The following DCDC1 variants were observed in gnomAD, a reference collection of about 807,000 sequenced individuals.
The protein encoded by DCDC1 is doublecortin domain-containing protein 1.
Under a neutral mutation model 178.3 loss-of-function variants are expected in DCDC1, and 200 were observed. The observed-to-expected ratio is 1.12, with a 90% CI of 1.00 to 1.26. DCDC1 has a LOEUF of 1.26. Ranked by LOEUF, DCDC1 falls within the 50% of genes most tolerant of loss-of-function variation. DCDC1 has a pLI of 0.00. For synonymous variants in DCDC1, 690 were observed against 604.8 expected (o/e 1.14, Z -2.07); for missense variants, 1,983 against 1,749.2 (o/e 1.13, Z -2.38).
intron 6 of DCDC1, among the ~76,000 whole-genome samples, chr11:31,297,668 A>C (rs1947796599): frequency 6.6e-6 from 1 of 152,166 alleles, no homozygotes; most frequent in Non-Finnish European, 1.5e-5. Context: ...TTATTAACAA[A>C]TGCTTCCTAC....
chr11:31,230,919 GA>G (rs911118520), intron 9 of DCDC1, among the ~76,000 whole-genome samples: 2 of 151,408 alleles, frequency 1.3e-5, no homozygotes, highest in African/African-American at 4.9e-5. Flanking sequence ...AATAAAACAT[GA>G]AAAAAACTCT....
At chr11:31,258,063 A>C (rs1944533188) in intron 8 of DCDC1, among the ~76,000 whole-genome samples, 1 of 152,152 alleles carries the variant, frequency 6.6e-6, no homozygotes, top group African/African-American at 2.4e-5. Context: ...AATCTGGACA[A>C]ATTGGAGAGA....
intron 1 of DCDC1, among the ~76,000 whole-genome samples, chr11:31,352,428 C>T (rs1450322291): frequency 6.6e-6 from 1 of 152,092 alleles, no homozygotes; most frequent in African/African-American, 2.4e-5. Flanking sequence ...ATAATAAAAA[C>T]ATGATAGAAA....
chr11:31,353,288 T>C (rs1178610743), intron 1 of DCDC1, among the ~76,000 whole-genome samples: 1 of 152,238 alleles, frequency 6.6e-6, no homozygotes, highest in Non-Finnish European at 1.5e-5. Flanking sequence ...CCTTTTTCTA[T>C]ATCTGAGCTA....
intron 16 of DCDC1, among the ~76,000 whole-genome samples, chr11:31,093,529 T>C (rs1013164557): frequency 2.6e-5 from 4 of 152,220 alleles, no homozygotes; most frequent in Non-Finnish European, 5.9e-5. Context: ...ATAAGTCATA[T>C]ACAATAGTAC....
intron 36 of DCDC1, among the ~76,000 whole-genome samples, chr11:30,886,653 C>A (rs1943195643): frequency 1.3e-5 from 2 of 152,190 alleles, no homozygotes; most frequent in South Asian, 2.1e-4. Context: ...CCTCATTTAA[C>A]CTTAATTACC....
intron 9 of DCDC1, among the ~76,000 whole-genome samples, chr11:31,193,095 C>T (rs904307287): frequency 6.6e-6 from 1 of 152,034 alleles, no homozygotes; most frequent in Admixed American, 6.6e-5. Context: ...ACACCATTGT[C>T]TCTGCTGGTT....
chr11:31,267,229 C>T (rs888453344), intron 7 of DCDC1, among the ~76,000 whole-genome samples: 2 of 150,550 alleles, frequency 1.3e-5, no homozygotes, highest in Admixed American at 1.3e-4. Context: ...TCACTCTGGT[C>T]GCCCAGGCTT....
intron 9 of DCDC1, among the ~76,000 whole-genome samples, chr11:31,152,040 AACATC>A (rs912160716): frequency 1.3e-5 from 2 of 152,192 alleles, no homozygotes; most frequent in African/African-American, 4.8e-5. Flanking sequence ...TGTGTCTCAT[AACATC>A]ACATCATACC....
At chr11:31,280,900 A>T (rs1946377622) in intron 7 of DCDC1, 1 of 640,686 alleles carries the variant, frequency 1.6e-6, no homozygotes, top group Non-Finnish European at 3.0e-6. Context: ...GATTAGGCCC[A>T]GTCTTGTGCT....
rs56349731 is a variant in DCDC1 at position 31,309,142 on chromosome 11, TTGTG to T, written c.165-1238_165-1235del. On this transcript the variant is annotated intron_variant, in intron 3 of 38. Transcript: ENST00000684477. Reference sequence around the variant, plus strand: ...CACACATCAGAGGGAAAATAGATGTTTGTGTGTGTGTGTGTGTGTGTGTGTATGT... The same window carrying T: ...CACACATCAGAGGGAAAATAGATGTTTGTGTGTGTGTGTGTGTGTGTATGT... Among the ~76,000 whole-genome samples, 415 of 148,048 alleles carry T rather than the reference TTGTG, an allele frequency of 2.8e-3. 4 individuals are homozygous for T. Among genetic ancestry groups the T allele is most frequent in the African/African-American group, 9.4e-3 (370 of 39,542 alleles).
At chr11:31,237,038 TC>T (rs1207228835) in intron 9 of DCDC1, among the ~76,000 whole-genome samples, 13 of 151,998 alleles carry the variant, frequency 8.6e-5, no homozygotes, top group South Asian at 2.1e-4. Flanking sequence ...ATACTAAGAT[TC>T]CTTTTAAAAT....
intron 36 of DCDC1, among the ~76,000 whole-genome samples, chr11:30,890,649 A>T (rs1467911712): frequency 6.6e-6 from 1 of 152,214 alleles, no homozygotes; most frequent in Admixed American, 6.5e-5. Context: ...TATAGAACAC[A>T]TAGGAAAACA....
At chr11:30,868,388 T>G (rs968687910) in intron 38 of DCDC1, among the ~76,000 whole-genome samples, 1 of 151,830 alleles carries the variant, frequency 6.6e-6, no homozygotes, top group Non-Finnish European at 1.5e-5. Flanking sequence ...GTAGCTGGGA[T>G]TACAAGTGCC....
chr11:31,194,917 A>G (rs1970514515), intron 9 of DCDC1, among the ~76,000 whole-genome samples: 1 of 152,078 alleles, frequency 6.6e-6, no homozygotes, highest in South Asian at 2.1e-4. Context: ...ATTAAACTGC[A>G]GCAGTCACCA....
intron 9 of DCDC1, among the ~76,000 whole-genome samples, chr11:31,151,964 C>T (rs1455494953): frequency 6.6e-6 from 1 of 152,074 alleles, no homozygotes; most frequent in Non-Finnish European, 1.5e-5. Context: ...GTTCTCACCA[C>T]AAAACAGTGA....
At chr11:31,047,071 C>T (rs113824798) in intron 20 of DCDC1, among the ~76,000 whole-genome samples, 2,229 of 152,172 alleles carry the variant, frequency 0.015, 32 homozygotes, top group Middle Eastern at 0.024. Flanking sequence ...TGTGAGGTGG[C>T]GTATCCTCAT....
intron 9 of DCDC1, among the ~76,000 whole-genome samples, chr11:31,170,159 C>G (rs1967033769): frequency 6.6e-6 from 1 of 152,170 alleles, no homozygotes; most frequent in South Asian, 2.1e-4. Context: ...GGGGCACCAT[C>G]TAGGAGCTAC....
chr11:31,223,770 T>C (rs777991033), intron 9 of DCDC1, among the ~76,000 whole-genome samples: 21 of 152,132 alleles, frequency 1.4e-4, no homozygotes, highest in Non-Finnish European at 2.8e-4. Flanking sequence ...ATATCATTTA[T>C]ATAAAGTACA....
Sources: allele counts gnomAD v4.1 joint callset (sites outside exome capture counted in the v4.1 genomes callset), GRCh38; gene constraint gnomAD v4.1.1; transcripts MANE v1.5; gene names NCBI Gene and HGNC (gene_info 2026-07-23, HGNC 2026-07-21).